Variants in PPP4R2 observed in about 807,000 individuals in gnomAD.
PPP4R2 encodes the protein protein phosphatase 4 regulatory subunit 2, also known as serine/threonine-protein phosphatase 4 regulatory subunit 2.
PPP4R2 carries 13 observed loss-of-function variants against 47.2 expected under a neutral mutation model. That is an observed-to-expected ratio of 0.28 (90% CI 0.18 to 0.44). The LOEUF (loss-of-function observed/expected upper bound fraction) is 0.44. Ranked by LOEUF, PPP4R2 falls within the 20% of genes least tolerant of loss-of-function variation. The pLI, the probability that PPP4R2 is intolerant of heterozygous loss-of-function variation, is 1.00. For missense variants in PPP4R2, 421 were observed against 491.2 expected (o/e 0.86, Z 1.35); for synonymous variants, 151 against 163.3 (o/e 0.92, Z 0.57).
At chr3:73,005,436 G>A (rs1051396352) in intron 2 of PPP4R2, among the ~76,000 whole-genome samples, 8 of 151,634 alleles carry the variant, frequency 5.3e-5, no homozygotes, top group African/African-American at 1.7e-4. Flanking sequence ...TCAAGAAAGT[G>A]AATTGTTGTC....
chr3:73,050,599 G>C (rs943980052), intron 3 of PPP4R2, among the ~76,000 whole-genome samples: 1 of 152,072 alleles, frequency 6.6e-6, no homozygotes, highest in Non-Finnish European at 1.5e-5. Context: ...GTATGTTCAC[G>C]CTTTTAAAAA....
chr3:73,001,190 A>G (rs1370759175), intron 2 of PPP4R2, among the ~76,000 whole-genome samples: 1 of 152,174 alleles, frequency 6.6e-6, no homozygotes, highest in Non-Finnish European at 1.5e-5. Flanking sequence ...TACATAAAAT[A>G]CTAAGACTTG....
intron 2 of PPP4R2, among the ~76,000 whole-genome samples, chr3:73,000,707 T>G (rs1356641435): frequency 5.3e-5 from 8 of 152,120 alleles, no homozygotes; most frequent in Non-Finnish European, 1.2e-4. Context: ...ATAACTAAAA[T>G]AATTAATCCC....
intron 2 of PPP4R2, among the ~76,000 whole-genome samples, chr3:73,032,622 G>A (rs775842545): frequency 6.6e-6 from 1 of 152,056 alleles, no homozygotes; most frequent in Non-Finnish European, 1.5e-5. Flanking sequence ...CTTTTTACTA[G>A]TTACTTTTTC....
chr3:73,011,805 A>G (rs1438386070), intron 2 of PPP4R2, among the ~76,000 whole-genome samples: 2 of 152,312 alleles, frequency 1.3e-5, no homozygotes, highest in South Asian at 2.1e-4. Flanking sequence ...TAAGCTTTCT[A>G]TTTAATATAT....
At chr3:73,009,432 A>G (rs547859678) in intron 2 of PPP4R2, among the ~76,000 whole-genome samples, 1 of 150,378 alleles carries the variant, frequency 6.6e-6, no homozygotes, top group Admixed American at 6.6e-5. Context: ...TAAAGTCACA[A>G]AGAGGTTCTT....
chr3:73,063,255 G>C (rs1559570666), intron 5 of PPP4R2: 2 of 297,618 alleles, frequency 6.7e-6, no homozygotes, highest in African/African-American at 4.7e-5. Context: ...AAGATCTTGA[G>C]GGGGGAGTGT....
intron 2 of PPP4R2, among the ~76,000 whole-genome samples, chr3:73,043,411 C>T (rs992922429): frequency 6.6e-6 from 1 of 152,104 alleles, no homozygotes; most frequent in Non-Finnish European, 1.5e-5. Context: ...TTATCCTCAC[C>T]ATTTTTAAAA....
intron 1 of PPP4R2, chr3:72,997,296 G>A (rs1701368442): frequency 5.0e-6 from 2 of 403,718 alleles, no homozygotes; most frequent in Admixed American, 4.5e-5. Context: ...GCTGGGGGAG[G>A]GGAGCCGGGG....
intron 2 of PPP4R2, among the ~76,000 whole-genome samples, chr3:73,009,036 T>G (rs1163089861): frequency 6.6e-6 from 1 of 152,186 alleles, no homozygotes; most frequent in Non-Finnish European, 1.5e-5. Flanking sequence ...AGATAGTGAG[T>G]GTCCTGTAAG....
At chr3:72,999,687 G>C (rs1701420204) in intron 2 of PPP4R2, among the ~76,000 whole-genome samples, 1 of 152,162 alleles carries the variant, frequency 6.6e-6, no homozygotes, top group Non-Finnish European at 1.5e-5. Flanking sequence ...CCAAGTGGCT[G>C]GGGAAGTTAT....
At chr3:73,062,443 C>A (rs1702883779) in intron 5 of PPP4R2, 1 of 1,611,956 alleles carries the variant, frequency 6.2e-7, no homozygotes, top group African/African-American at 1.3e-5. Flanking sequence ...CATTTCCACC[C>A]TGTGACCCCA....
chr3:73,015,368 G>T (rs1054747226), intron 2 of PPP4R2, among the ~76,000 whole-genome samples: 5 of 151,972 alleles, frequency 3.3e-5, no homozygotes, highest in African/African-American at 1.2e-4. Flanking sequence ...GTAGAGACAG[G>T]GTTTTGCCAT....
intron 2 of PPP4R2, among the ~76,000 whole-genome samples, chr3:73,008,243 A>G (rs1337925572): frequency 6.6e-6 from 1 of 152,234 alleles, no homozygotes; most frequent in Non-Finnish European, 1.5e-5. Context: ...ACACAGAGGA[A>G]GCACAATAGA....
chr3:73,027,433 A>G (rs1479244239), intron 2 of PPP4R2, among the ~76,000 whole-genome samples: 3 of 152,116 alleles, frequency 2.0e-5, no homozygotes, highest in Non-Finnish European at 4.4e-5. Flanking sequence ...CTATTCCCCT[A>G]TTAATTGCCA....
chr3:73,064,067 C>T lies in PPP4R2; in HGVS notation c.559C>T (p.Pro187Ser). 1 of 1,613,380 alleles carries T rather than the reference C, an allele frequency of 6.2e-7. No individual in the cohort carries two copies. The highest frequency in any genetic ancestry group is 1.1e-5 in the South Asian group (1 of 91,034). ...TCGACCAAAGGTTTCTTTGTCAGCC[C>T]CCATGACAACAAATGGGTTGCCTGA... ...LNRPKVSLSA[P>S]MTTNGLPEST... Residue 187 changes from proline (P) to serine (S), a missense_variant, in exon 7 of 9, where the codon CCC (proline) becomes TCC (serine). Coordinates refer to ENST00000356692, the MANE Select transcript of PPP4R2 (RefSeq NM_174907.4).
chr3:73,011,753 A>C (rs1227792534), intron 2 of PPP4R2, among the ~76,000 whole-genome samples: 1 of 150,792 alleles, frequency 6.6e-6, no homozygotes, highest in African/African-American at 2.4e-5. Flanking sequence ...TGAAACATAC[A>C]GGTGATGAGA....
chr3:73,048,333 A>G (rs925010344), intron 3 of PPP4R2, among the ~76,000 whole-genome samples: 2 of 151,826 alleles, frequency 1.3e-5, no homozygotes, highest in African/African-American at 4.8e-5. Flanking sequence ...GCTCACCGCA[A>G]CCTCCGCCTG....
chr3:73,018,441 A>ATGTTATGTTATGTT (rs1701888828), intron 2 of PPP4R2, among the ~76,000 whole-genome samples: 2 of 103,788 alleles, frequency 1.9e-5, no homozygotes, highest in Admixed American at 8.8e-5. Flanking sequence ...ATGTTATGTT[A>ATGTTATGTTATGTT]TGTTATGTTA....
Sources: gnomAD v4.1 joint callset for allele counts (sites outside exome capture counted in the v4.1 genomes callset) on GRCh38, gnomAD v4.1.1 for gene constraint, MANE v1.5 for transcripts, NCBI Gene and HGNC (gene_info 2026-07-23, HGNC 2026-07-21) for gene names.